LPAR5: variants seen among roughly 807,000 people sequenced by gnomAD.
The protein encoded by LPAR5 is G protein-coupled receptor 92.
For missense variants in LPAR5, 544 were observed against 521.8 expected (o/e 1.04, Z -0.41); for synonymous variants, 271 against 261.6 (o/e 1.04, Z -0.35).
In LPAR5 at chr12:6,619,810, C is replaced by A; in HGVS notation, c.*320G>T. 2.1e-6 allele frequency: 1 copy of A among 485,852 alleles called. No individual in the cohort carries two copies. The highest frequency in any genetic ancestry group is 1.9e-5 in the South Asian group (1 of 52,936). 30.1% of individuals were successfully genotyped at this position (485,852 alleles called of 1,614,324 possible). A position where few individuals can be genotyped will look rare whatever the true frequency, so the allele number is the denominator to read the frequency against. ...ATGCCCATTTTCTGTTCCATCTAAC[C>A]AGCTTTTAGCAGTTTAATGCCCTGC... On this transcript the variant is annotated 3_prime_UTR_variant, in exon 2 of 2. Transcript: ENST00000329858.
chr12:6,620,292 G>A lies in LPAR5; in HGVS notation c.957C>T (p.Thr319=). 6.2e-7 allele frequency: 1 copy of A among 1,606,194 alleles called. No homozygotes were observed. The highest frequency in any genetic ancestry group is 1.7e-4 in the Middle Eastern group (1 of 6,044). The change falls in exon 2 of 2, where the codon ACC becomes ACT. Residue 319 remains threonine (T), a synonymous_variant. Transcript: ENST00000329858. The surrounding 1 kb of genome is among the most constrained non-coding windows in gnomAD (Gnocchi z 6.8). ...RGLGTPHRAR[T]SATNGTRAAL... ...CCGCCCGCGTCCCGTTGGTGGCCGA[G>A]GTCCTGGCCCGGTGCGGAGTGCCCA...
At position 6,626,227 on chromosome 12, in the gene LPAR5, A is replaced by G. The variant is rs1948938851; in HGVS notation, c.-216-4763T>C. 2.6e-5 allele frequency among the ~76,000 whole-genome samples: 4 copies of G among 152,086 alleles called. No individual in the cohort carries two copies. In the South Asian group the frequency reaches 8.3e-4, roughly 32 times the overall value. On this transcript the variant is annotated intron_variant, in intron 1 of 1. Coordinates refer to ENST00000329858, the MANE Select transcript of LPAR5 (RefSeq NM_020400.6). ...CAGACAGAGGTTGCAGTGAGCTAAG[A>G]TCGCGCCACTGCACTCCAGCCTGGG...
chr12:6,634,789 C>CT (rs1463724874), intron 1 of LPAR5, among the ~76,000 whole-genome samples: 1 of 149,646 alleles, frequency 6.7e-6, no homozygotes, highest in Non-Finnish European at 1.5e-5. Flanking sequence ...GAGTGAGATC[C>CT]TGTCTTGAAA....
chr12:6,635,257 C>T (rs1292054238), intron 1 of LPAR5, among the ~76,000 whole-genome samples: 2 of 152,150 alleles, frequency 1.3e-5, no homozygotes, highest in East Asian at 1.9e-4. Context: ...TGCTGACCTC[C>T]GAATATGTCC....
At position 6,628,849 on chromosome 12, in the gene LPAR5, C is replaced by T. The variant is rs545938326; in HGVS notation, c.-217+7058G>A. On this transcript the variant is annotated intron_variant, in intron 1 of 1. Transcript: ENST00000329858. The stretch of plus-strand genomic sequence containing the variant: ...GTTTCTCCATGTTGGTCAGGCTGGT[C>T]TCGAACTCCCAACCTCAGGTGATCT... Among the ~76,000 whole-genome samples the T allele has an allele frequency of 2.4e-3, 371 of 151,806 alleles. 2 individuals carry two copies. The highest frequency in any genetic ancestry group is 8.7e-3 in the African/African-American group (360 of 41,476).
rs1236903082 is a variant in LPAR5, at chr12:6,620,853, C to T, written c.396G>A (p.Leu132=). 5.1e-6 allele frequency: 8 copies of T among 1,564,400 alleles called. No individual in the cohort carries two copies. Among genetic ancestry groups the T allele is most frequent in the Non-Finnish European group, 5.2e-6 (6 of 1,154,202 alleles). Residue 132 remains leucine, a synonymous_variant, in exon 2 of 2, where the codon CTG becomes CTA. Coordinates refer to ENST00000329858, the MANE Select transcript of LPAR5 (RefSeq NM_020400.6). This position sits in a 1 kb window ranked among gnomAD's most constrained non-coding sequence, Gnocchi z 6.8. The part of the protein sequence containing the change: ...AIVHPLRLRH[L]RRPRVARLLC... The stretch of plus-strand genomic sequence containing the variant: ...GCAGCCGCGCCACGCGGGGCCGCCG[C>T]AGGTGGCGCAGTCGCAGCGGGTGCA...
At chr12:6,622,171 C>T (rs1435001765) in intron 1 of LPAR5, among the ~76,000 whole-genome samples, 17 of 151,128 alleles carry the variant, frequency 1.1e-4, no homozygotes, top group African/African-American at 3.9e-4. Context: ...CGCCTGTAAT[C>T]CCAGCACTTT....
At chr12:6,628,384 C>G (rs1296400877) in intron 1 of LPAR5, among the ~76,000 whole-genome samples, 1 of 152,174 alleles carries the variant, frequency 6.6e-6, no homozygotes, top group Admixed American at 6.5e-5. Flanking sequence ...AAAGCATATA[C>G]TAGACACTGA....
intron 1 of LPAR5, among the ~76,000 whole-genome samples, chr12:6,628,061 G>A (rs1335098413): frequency 2.3e-5 from 3 of 127,914 alleles, no homozygotes; most frequent in Admixed American, 1.0e-4. Context: ...TTGCTCTGTC[G>A]TCCGGGCTGG....
At chr12:6,622,984 A>G (rs564781484) in intron 1 of LPAR5, among the ~76,000 whole-genome samples, 62 of 151,778 alleles carry the variant, frequency 4.1e-4, no homozygotes, top group Non-Finnish European at 2.7e-4. Flanking sequence ...CACACCTGTA[A>G]TCCAGCACTT....
Position 6,620,669 on chromosome 12 carries a change from G to C in LPAR5, c.580C>G (p.Leu194Val), listed in dbSNP as rs1417714537. 1 of 1,561,550 alleles carries C rather than the reference G, an allele frequency of 6.4e-7. No homozygotes were observed. Among genetic ancestry groups the C allele is most frequent in the Middle Eastern group, 1.7e-4 (1 of 5,994 alleles). ...AGCAGGAAGCCCAGCGCCTCGGCCAGCAGCACGAGGGGCAGCAGCCTGCCT... is the reference window on the plus strand; with the variant it reads ...AGCAGGAAGCCCAGCGCCTCGGCCACCAGCACGAGGGGCAGCAGCCTGCCT... Reference protein sequence around the residue: ...WKGRLLPLVLLAEALGFLLPL... With the variant: ...WKGRLLPLVLVAEALGFLLPL... The change falls in exon 2 of 2, where the codon CTG becomes GTG. Residue 194 changes from leucine to valine, a missense_variant. Transcript: ENST00000329858. This position sits in a 1 kb window ranked among gnomAD's most constrained non-coding sequence, Gnocchi z 6.8.
intron 1 of LPAR5, chr12:6,631,719 G>A (rs867696236): frequency 6.6e-6 from 1 of 152,250 alleles, no homozygotes; most frequent in African/African-American, 2.4e-5. Context: ...GTAAAAGTGA[G>A]CAGGAGGTGC....
intron 1 of LPAR5, among the ~76,000 whole-genome samples, chr12:6,627,018 T>G (rs568596781): frequency 7.2e-5 from 11 of 152,372 alleles, no homozygotes; most frequent in South Asian, 6.2e-4. Flanking sequence ...AGGTATCATT[T>G]ACTGATCATC....
At chr12:6,633,449 GTTA>G (rs1445705354) in intron 1 of LPAR5, among the ~76,000 whole-genome samples, 1 of 151,224 alleles carries the variant, frequency 6.6e-6, no homozygotes, top group Non-Finnish European at 1.5e-5. Flanking sequence ...CGCTTGCTGT[GTTA>G]CCTAGGCTGG....
Position 6,619,691 on chromosome 12 carries a change from C to G in LPAR5, c.*439G>C, listed in dbSNP as rs1419421073. 2.0e-5 allele frequency: 7 copies of G among 350,834 alleles called. No individual in the cohort carries two copies. The highest frequency in any genetic ancestry group is 3.9e-5 in the Non-Finnish European group (7 of 178,520). The allele number at this position is 350,834 out of a possible 1,614,324, so 21.7% of individuals were successfully genotyped here. A position where few individuals can be genotyped will look rare whatever the true frequency, so the allele number is the denominator to read the frequency against. On this transcript the variant is annotated 3_prime_UTR_variant, in exon 2 of 2. Transcript: ENST00000329858. ...AGGGGGTGGCATCCATGAGCCTAGA[C>G]AGAAGTCAGCAGATGAACAGGCATC...
chr12:6,628,015 C>CTTTTTCT lies in LPAR5; in HGVS notation c.-216-6558_-216-6552dup, dbSNP rs1205306377. On this transcript the variant is annotated intron_variant, in intron 1 of 1. Transcript: ENST00000329858. ...TACAGTATCACTTGATCATTCTTTT[C>CTTTTTCT]TTTTTCTTTTTTCTTTTTTTTTTTG... 1.3e-4 allele frequency among the ~76,000 whole-genome samples: 11 copies of CTTTTTCT among 82,638 alleles called. 1 individual carries two copies. The highest frequency in any genetic ancestry group is 2.0e-4 in the African/African-American group (6 of 29,680). The allele number at this position is 82,638 out of a possible 152,430, so 54.2% of individuals were successfully genotyped here.
chr12:6,622,177 A>C (rs1948901757), intron 1 of LPAR5, among the ~76,000 whole-genome samples: 1 of 150,480 alleles, frequency 6.6e-6, no homozygotes, highest in South Asian at 2.1e-4. Context: ...TAATCCCAGC[A>C]CTTTGGGAGG....
At chr12:6,630,972 CAG>C (rs1190380425) in intron 1 of LPAR5, among the ~76,000 whole-genome samples, 1 of 152,168 alleles carries the variant, frequency 6.6e-6, no homozygotes, top group Non-Finnish European at 1.5e-5. Flanking sequence ...AGGAGGCTAA[CAG>C]GATGTGGAAG....
At chr12:6,630,022 C>G (rs1406780761) in intron 1 of LPAR5, among the ~76,000 whole-genome samples, 1 of 151,904 alleles carries the variant, frequency 6.6e-6, no homozygotes, top group Non-Finnish European at 1.5e-5. Flanking sequence ...GAAACTCTGT[C>G]TCAAAAAACA....
Sources: gnomAD v4.1 joint callset for allele counts (sites outside exome capture counted in the v4.1 genomes callset) on GRCh38, gnomAD v4.1.1 for gene constraint, Gnocchi (gnomAD v3.1) non-coding constraint, MANE v1.5 for transcripts, NCBI Gene and HGNC (gene_info 2026-07-23, HGNC 2026-07-21) for gene names.